Variants in BLTP3A observed in about 807,000 individuals in gnomAD.
BLTP3A encodes the protein bridge-like lipid transfer protein family member 3A.
chr6:34,844,441 A>AT, the BLTP3A span, among the ~76,000 whole-genome samples: 1 of 151,966 alleles, frequency 6.6e-6, no homozygotes, highest in East Asian at 1.9e-4. Flanking sequence ...TGACAGACTA[A>AT]TTTTTGTATT....
At chr6:34,837,039 G>A in the BLTP3A span, among the ~76,000 whole-genome samples, 1 of 152,164 alleles carries the variant, frequency 6.6e-6, no homozygotes, top group Admixed American at 6.5e-5. Context: ...GCTCAAATGA[G>A]CCAATAGGCT....
At chr6:34,820,873 A>C in the BLTP3A span, among the ~76,000 whole-genome samples, 5 of 127,578 alleles carry the variant, frequency 3.9e-5, no homozygotes, top group Non-Finnish European at 7.8e-5. Flanking sequence ...GCTTGTCTCG[A>C]TCTCCTAGGC....
chr6:34,837,662 C>T, the BLTP3A span, among the ~76,000 whole-genome samples: 2 of 151,976 alleles, frequency 1.3e-5, no homozygotes, highest in African/African-American at 2.4e-5. Flanking sequence ...CTGGGTGACA[C>T]AGTGAGACCC....
At chr6:34,804,636 A>G in the BLTP3A span, among the ~76,000 whole-genome samples, 1 of 152,132 alleles carries the variant, frequency 6.6e-6, no homozygotes, top group Admixed American at 6.6e-5. Flanking sequence ...ACAGCTAGAA[A>G]TGATATTGGA....
the BLTP3A span, among the ~76,000 whole-genome samples, chr6:34,809,906 C>T: frequency 1.3e-5 from 2 of 152,132 alleles, no homozygotes; most frequent in African/African-American, 2.4e-5. Context: ...TCACTGATAA[C>T]AAACAGTTGA....
chr6:34,828,003 G>A, the BLTP3A span, among the ~76,000 whole-genome samples: 1 of 152,054 alleles, frequency 6.6e-6, no homozygotes, highest in Non-Finnish European at 1.5e-5. Context: ...TTTATTTTTA[G>A]CTATGTAAAA....
At chr6:34,863,954 C>T in the BLTP3A span, 1 of 1,518,886 alleles carries the variant, frequency 6.6e-7, no homozygotes, top group Non-Finnish European at 8.8e-7. Context: ...TGGGAATAAA[C>T]ATGTCTCCAA....
the BLTP3A span, among the ~76,000 whole-genome samples, chr6:34,849,987 T>C: frequency 1.3e-5 from 2 of 151,794 alleles, no homozygotes; most frequent in African/African-American, 4.8e-5. Flanking sequence ...CTAAAAGAAA[T>C]ACAAAATTAG....
At chr6:34,810,932 CT>C in the BLTP3A span, among the ~76,000 whole-genome samples, 1 of 152,126 alleles carries the variant, frequency 6.6e-6, no homozygotes, top group Non-Finnish European at 1.5e-5. Context: ...AGACTAGTAT[CT>C]ACATATATTT....
chr6:34,802,367 C>T, the BLTP3A span, among the ~76,000 whole-genome samples: 32 of 144,894 alleles, frequency 2.2e-4, no homozygotes, highest in East Asian at 5.7e-3. Flanking sequence ...CCACCAAGCC[C>T]GGCTAATTTT....
the BLTP3A span, among the ~76,000 whole-genome samples, chr6:34,807,964 C>T: frequency 9.2e-5 from 14 of 151,876 alleles, no homozygotes; most frequent in Admixed American, 7.9e-4. Context: ...TCGCTTGAAC[C>T]GGGAGGCAGT....
the BLTP3A span, chr6:34,822,033 T>C: frequency 1.9e-6 from 3 of 1,560,720 alleles, no homozygotes; most frequent in Non-Finnish European, 2.6e-6. Flanking sequence ...GAGAAAATGA[T>C]AGGCTAACCC....
the BLTP3A span, among the ~76,000 whole-genome samples, chr6:34,844,447 G>T: frequency 6.6e-6 from 1 of 152,048 alleles, no homozygotes; most frequent in Non-Finnish European, 1.5e-5. Context: ...ACTAATTTTT[G>T]TATTTTTAGT....
the BLTP3A span, among the ~76,000 whole-genome samples, chr6:34,808,769 A>T: frequency 6.6e-6 from 1 of 151,998 alleles, no homozygotes; most frequent in Non-Finnish European, 1.5e-5. Context: ...TTGTAGAGAC[A>T]GGGTTTCATC....
chr6:34,806,673 C>G, the BLTP3A span, among the ~76,000 whole-genome samples: 132 of 152,180 alleles, frequency 8.7e-4, no homozygotes, highest in South Asian at 3.9e-3. Context: ...ATTCTCCCCC[C>G]CTCCCCAAGA....
chr6:34,865,352 A>G, the BLTP3A span, among the ~76,000 whole-genome samples: 3 of 152,344 alleles, frequency 2.0e-5, no homozygotes, highest in Non-Finnish European at 2.9e-5. Context: ...AGATTCATCT[A>G]CGTTATCACA....
chr6:34,845,300 C>G, the BLTP3A span, among the ~76,000 whole-genome samples: 66,821 of 152,068 alleles, frequency 0.44, 16,467 homozygotes, highest in African/African-American at 0.68. Context: ...CTCCAGTTTT[C>G]TTCTCTTTGC....
the BLTP3A span, among the ~76,000 whole-genome samples, chr6:34,794,814 C>G: frequency 6.6e-6 from 1 of 150,584 alleles, no homozygotes; most frequent in Non-Finnish European, 1.5e-5. Context: ...GAGACGGAGT[C>G]TCACTCTGTC....
At chr6:34,809,587 A>T in the BLTP3A span, among the ~76,000 whole-genome samples, 1 of 152,054 alleles carries the variant, frequency 6.6e-6, no homozygotes, top group Admixed American at 6.6e-5. Context: ...GTTTTTTGAG[A>T]CAGGGTCTTG....
Sources: gnomAD v4.1 joint callset for allele counts (sites outside exome capture counted in the v4.1 genomes callset) on GRCh38, gnomAD v4.1.1 for gene constraint, MANE v1.5 for transcripts, NCBI Gene and HGNC (gene_info 2026-07-23, HGNC 2026-07-21) for gene names.